ZNF831: variants seen among roughly 807,000 people sequenced by gnomAD.
ZNF831 encodes the protein zinc finger protein 831.
In ZNF831, 59 loss-of-function variants were observed where a neutral mutation model predicts 95.8. The observed-to-expected ratio is 0.62, with a 90% CI of 0.50 to 0.77. The LOEUF (loss-of-function observed/expected upper bound fraction) is 0.77. Among genes scored for constraint, ZNF831 ranks in the 30% least tolerant of loss-of-function variants. The probability of loss-of-function intolerance (pLI) is 0.00; values close to 1 mark genes in which losing one functional copy is unlikely to be tolerated. For missense variants in ZNF831, 2,205 were observed against 2,164.0 expected, an observed-to-expected ratio of 1.02 and a Z score of -0.38; for synonymous variants, 961 against 925.5, an observed-to-expected ratio of 1.04 and a Z score of -0.70.
chr20:59,224,424 C>T (rs1277538639), intron 4 of ZNF831, among the ~76,000 whole-genome samples: 1 of 152,192 alleles, frequency 6.6e-6, no homozygotes, highest in East Asian at 1.9e-4. Flanking sequence ...CGTCCCATCC[C>T]AGCCTTCTTT....
intron 1 of ZNF831, among the ~76,000 whole-genome samples, chr20:59,188,300 C>T (rs542953936): frequency 1.2e-4 from 19 of 152,164 alleles, no homozygotes; most frequent in Non-Finnish European, 2.5e-4. Flanking sequence ...ACATCCTCAC[C>T]AACACTTGTT....
intron 4 of ZNF831, among the ~76,000 whole-genome samples, chr20:59,243,267 G>T (rs1046670189): frequency 2.0e-5 from 3 of 152,136 alleles, no homozygotes; most frequent in African/African-American, 4.8e-5. Context: ...TGAGGCTGAA[G>T]TTATCAACGC....
chr20:59,138,233 T>A (rs904798485), intron 1 of ZNF831, among the ~76,000 whole-genome samples: 1 of 152,190 alleles, frequency 6.6e-6, no homozygotes, highest in Non-Finnish European at 1.5e-5. Flanking sequence ...CATTATACAA[T>A]TAGTTGTTTA....
intron 4 of ZNF831, among the ~76,000 whole-genome samples, chr20:59,229,897 A>G (rs1986633106): frequency 6.6e-6 from 1 of 152,168 alleles, no homozygotes. Flanking sequence ...CTCATTGTCT[A>G]GAACTGGGTC....
chr20:59,209,946 G>C (rs916476000), intron 4 of ZNF831, among the ~76,000 whole-genome samples: 28 of 152,274 alleles, frequency 1.8e-4, no homozygotes, highest in African/African-American at 6.7e-4. Context: ...CTCATTTCAA[G>C]ATCCTTAATT....
intron 1 of ZNF831, among the ~76,000 whole-genome samples, chr20:59,176,573 C>T (rs1477424008): frequency 6.6e-6 from 1 of 152,214 alleles, no homozygotes; most frequent in Non-Finnish European, 1.5e-5. Context: ...TCCTAACTGA[C>T]ATACCTTTTC....
chr20:59,177,803 C>G (rs1982295673), intron 1 of ZNF831, among the ~76,000 whole-genome samples: 1 of 152,178 alleles, frequency 6.6e-6, no homozygotes, highest in African/African-American at 2.4e-5. Context: ...CTTCTTGGGA[C>G]CTAGGCACAC....
In ZNF831 at chr20:59,253,838, T is replaced by A. The variant is rs1032375604; in HGVS notation, c.4189-60T>A. 130 of 1,490,418 alleles carry A rather than the reference T, an allele frequency of 8.7e-5. 9 individuals are homozygous for A. The highest frequency in any genetic ancestry group is 1.0e-4 in the Non-Finnish European group (115 of 1,116,736). The allele number at this position is 1,490,418 out of a possible 1,614,324, so 92.3% of individuals were successfully genotyped here. On this transcript the variant is annotated intron_variant, in intron 5 of 5. Coordinates refer to ENST00000371030, the MANE Select transcript of ZNF831 (RefSeq NM_178457.3). ...TTGAGGACCACGTTTCTGACCACAT[T>A]TTTCTTTGTACCAATTAACCTCCCC...
At position 59,192,005 on chromosome 20, in the gene ZNF831, C is replaced by T. The variant is rs568542313; in HGVS notation, c.986C>T (p.Ala329Val). ...ACGGCAGCGGAGAAGCCCTGGGATG[C>T]CAAGGCCCCCGAGGGCCGGCTGCGG... ...QATAAEKPWD[A>V]KAPEGRLRKC... The change falls in exon 2 of 6, where the codon GCC (alanine) becomes GTC (valine). Residue 329 changes from alanine to valine, a missense_variant. Ala to Val is a moderately conservative substitution (Grantham distance 64). Coordinates refer to ENST00000371030, the MANE Select transcript of ZNF831 (RefSeq NM_178457.3). The surrounding 1 kb of genome is among the most constrained non-coding windows in gnomAD (Gnocchi z 5.2). The T allele has an allele frequency of 1.5e-5, 24 of 1,608,372 alleles. No homozygotes were observed. The African/African-American group carries it at 2.0e-4, about 13-fold the overall frequency.
At chr20:59,148,073 T>G (rs1283717126) in intron 2 of ZNF831, among the ~76,000 whole-genome samples, 1 of 152,226 alleles carries the variant, frequency 6.6e-6, no homozygotes, top group Non-Finnish European at 1.5e-5. Context: ...CTCTCTGAAA[T>G]GCTTGAGAAT....
intron 3 of ZNF831, among the ~76,000 whole-genome samples, chr20:59,201,858 T>C (rs1370139592): frequency 1.3e-5 from 2 of 152,146 alleles, no homozygotes; most frequent in Admixed American, 6.5e-5. Flanking sequence ...TGGAGCAAAA[T>C]AGAGAATACA....
rs958942042 is a variant in ZNF831, at chr20:59,256,876, G to A, written c.*2133G>A. ...GGGTGCAATCATCCAGCCTATACAT[G>A]TGGCTCATAGTTCAAAAAATTAAAA... On this transcript the variant is annotated 3_prime_UTR_variant, in exon 6 of 6. Coordinates refer to ENST00000371030, the MANE Select transcript of ZNF831 (RefSeq NM_178457.3). 2 of 152,174 alleles carry A rather than the reference G, an allele frequency of 1.3e-5. No individual in the cohort carries two copies. The highest frequency in any genetic ancestry group is 1.3e-4 in the Admixed American group (2 of 15,274). The allele number at this position is 152,174 out of a possible 1,614,324, so 9.4% of individuals were successfully genotyped here. A position where few individuals can be genotyped will look rare whatever the true frequency, so the allele number is the denominator to read the frequency against.
intron 4 of ZNF831, among the ~76,000 whole-genome samples, chr20:59,245,230 C>T (rs1987532232): frequency 6.6e-6 from 1 of 152,136 alleles, no homozygotes; most frequent in Non-Finnish European, 1.5e-5. Flanking sequence ...ATGCTACTGT[C>T]GTTTTGAAAA....
At chr20:59,145,029 A>T (rs1385080777) in intron 1 of ZNF831, among the ~76,000 whole-genome samples, 1 of 152,130 alleles carries the variant, frequency 6.6e-6, no homozygotes, top group African/African-American at 2.4e-5. Flanking sequence ...GGGAGGGAAG[A>T]TGTACTGACA....
chr20:59,176,562 G>C (rs992904127), intron 1 of ZNF831, among the ~76,000 whole-genome samples: 4 of 152,146 alleles, frequency 2.6e-5, no homozygotes, highest in Non-Finnish European at 5.9e-5. Flanking sequence ...ATCATGTTGG[G>C]TCCTAACTGA....
chr20:59,193,622 G>A lies in ZNF831; in HGVS notation c.2603G>A (p.Gly868Asp), dbSNP rs2146586475. ...GCCGATCCCGGGGAGGTGCCAGGGG[G>A]CTCAAAGGAGAGTGCCAGGCAGGTG... is the stretch of plus-strand genomic sequence containing the variant. Reference protein sequence around the residue: ...QDADPGEVPGGSKESARQVGE... With the variant: ...QDADPGEVPGDSKESARQVGE... Residue 868 changes from glycine to aspartate, a missense_variant, in exon 2 of 6, where the codon GGC becomes GAC. By Grantham distance (94) the Gly-to-Asp change is moderately conservative. Coordinates refer to ENST00000371030, the MANE Select transcript of ZNF831 (RefSeq NM_178457.3). 6.2e-7 allele frequency: 1 copy of A among 1,612,518 alleles called. No homozygotes were observed. Among genetic ancestry groups the A allele is most frequent in the Non-Finnish European group, 8.5e-7 (1 of 1,179,572 alleles).
intron 2 of ZNF831, among the ~76,000 whole-genome samples, chr20:59,153,050 G>A (rs1194391393): frequency 6.6e-6 from 1 of 152,160 alleles, no homozygotes; most frequent in African/African-American, 2.4e-5. Context: ...ACTGGACTTT[G>A]GCCAGCTCTG....
In ZNF831 at chr20:59,191,239, C is replaced by T. The variant is rs558289892; in HGVS notation, c.220C>T (p.Arg74Cys). 26 of 1,547,808 alleles carry T rather than the reference C, an allele frequency of 1.7e-5. No individual in the cohort carries two copies. Among genetic ancestry groups the T allele is most frequent in the Admixed American group, 9.7e-5 (5 of 51,402 alleles). The change falls in exon 2 of 6, where the codon CGC becomes TGC. Residue 74 changes from arginine (R) to cysteine (C), a missense_variant. Coordinates refer to ENST00000371030, the MANE Select transcript of ZNF831 (RefSeq NM_178457.3). ...HTVPPGGLQP[R>C]APLVTGSLDG... Reference sequence around the variant, plus strand: ...GGTGCCTCCCGGGGGCCTCCAGCCCCGCGCCCCGCTAGTGACGGGCAGCCT... The same window carrying T: ...GGTGCCTCCCGGGGGCCTCCAGCCCTGCGCCCCGCTAGTGACGGGCAGCCT...
At chr20:59,161,357 A>C (rs140812778), upstream of ZNF831, among the ~76,000 whole-genome samples, 756 of 151,818 alleles carry the variant, frequency 5.0e-3, 2 homozygotes, top group Middle Eastern at 0.017. Flanking sequence ...AGCTTGCTGC[A>C]ACCTCTGGCT....
Sources: allele counts gnomAD v4.1 joint callset (sites outside exome capture counted in the v4.1 genomes callset), GRCh38; gene constraint gnomAD v4.1.1; non-coding constraint Gnocchi (gnomAD v3.1); transcripts MANE v1.5; gene names NCBI Gene and HGNC (gene_info 2026-07-23, HGNC 2026-07-21).